The following PDE1A variants were observed in gnomAD, a reference collection of about 807,000 sequenced individuals.
PDE1A encodes the protein phosphodiesterase 1A.
PDE1A carries 35 observed loss-of-function variants against 61.7 expected under a neutral mutation model. That is an observed-to-expected ratio of 0.57 (90% CI 0.43 to 0.75). PDE1A has a LOEUF of 0.75. Among genes scored for constraint, PDE1A ranks in the 30% least tolerant of loss-of-function variants. The pLI is 0.00. For missense variants in PDE1A, 597 were observed against 630.6 expected, an observed-to-expected ratio of 0.95 and a Z score of 0.57; for synonymous variants, 232 against 213.2, an observed-to-expected ratio of 1.09 and a Z score of -0.77.
chr2:182,551,494 G>A, the PDE1A span, among the ~76,000 whole-genome samples: 1 of 151,998 alleles, frequency 6.6e-6, no homozygotes, highest in African/African-American at 2.4e-5. Flanking sequence ...TCTGAAAGCA[G>A]CAATGAGGAG....
chr2:182,381,034 A>G (rs1700703848), intron 1 of PDE1A, among the ~76,000 whole-genome samples: 2 of 152,236 alleles, frequency 1.3e-5, no homozygotes, highest in Non-Finnish European at 2.9e-5. Context: ...GAGCCAAAGC[A>G]GTGATGGACA....
At chr2:182,345,818 C>G (rs1218166197) in intron 1 of PDE1A, among the ~76,000 whole-genome samples, 1 of 152,184 alleles carries the variant, frequency 6.6e-6, no homozygotes, top group African/African-American at 2.4e-5. Flanking sequence ...TGCCAGCACT[C>G]TCATGTCCCC....
At chr2:182,563,926 T>G in the PDE1A span, among the ~76,000 whole-genome samples, 1 of 152,176 alleles carries the variant, frequency 6.6e-6, no homozygotes, top group East Asian at 1.9e-4. Flanking sequence ...CCTCCCTCCT[T>G]TTATTTTGAG....
intron 1 of PDE1A, among the ~76,000 whole-genome samples, chr2:182,334,991 CAGAG>C (rs1559348866): frequency 1.3e-5 from 2 of 152,128 alleles, no homozygotes; most frequent in African/African-American, 4.8e-5. Context: ...AATAGACAAA[CAGAG>C]AGCCAAATCA....
At chr2:182,629,472 A>C in the PDE1A span, among the ~76,000 whole-genome samples, 1 of 152,216 alleles carries the variant, frequency 6.6e-6, no homozygotes, top group Admixed American at 6.5e-5. Context: ...AAGTATTTAC[A>C]AAATACACAT....
intron 1 of PDE1A, among the ~76,000 whole-genome samples, chr2:182,413,448 G>T (rs775100506): frequency 6.6e-6 from 1 of 152,130 alleles, no homozygotes; most frequent in South Asian, 2.1e-4. Context: ...GGACATAAAT[G>T]AAAGGACTTG....
At chr2:182,499,355 T>A (rs1012602153) in intron 2 of PDE1A, among the ~76,000 whole-genome samples, 2 of 151,984 alleles carry the variant, frequency 1.3e-5, no homozygotes, top group African/African-American at 4.8e-5. Context: ...TTTTTGTATT[T>A]TCAGTAGAGA....
intron 2 of PDE1A, among the ~76,000 whole-genome samples, chr2:182,487,179 G>C (rs867369709): frequency 6.6e-6 from 1 of 152,080 alleles, no homozygotes; most frequent in Non-Finnish European, 1.5e-5. Context: ...CACCATCATC[G>C]GTCATTAGAG....
rs78002254 is a variant in PDE1A, at chr2:182,481,979, T to C, written c.101+40297A>G. Among the ~76,000 whole-genome samples, 1,511 of 152,008 alleles carry C rather than the reference T, an allele frequency of 9.9e-3. 19 individuals carry two copies. Among genetic ancestry groups the C allele is most frequent in the African/African-American group, 0.034 (1,402 of 41,514 alleles). On this transcript the variant is annotated intron_variant, in intron 2 of 14. Transcript: ENST00000410103. Reference sequence around the variant, plus strand: ...TATCTCAGCTACAGAACTGGAGATATACGATACCTTTACATTCTGAGATCC... The same window carrying C: ...TATCTCAGCTACAGAACTGGAGATACACGATACCTTTACATTCTGAGATCC...
the PDE1A span, among the ~76,000 whole-genome samples, chr2:182,651,992 TA>T: frequency 6.6e-6 from 1 of 152,252 alleles, no homozygotes; most frequent in African/African-American, 2.4e-5. Flanking sequence ...TAAAATGGGA[TA>T]ATATTGACAG....
rs1434170157 is a variant in PDE1A, at chr2:182,451,399, AT to A, written c.101+70876del. ...GTCTCAAAAAAAAAAAAAAAAAAAA[AT>A]ATTTTAACTATACAAATGCATAAAG... On this transcript the variant is annotated intron_variant, in intron 2 of 14. Transcript: ENST00000410103. Among the ~76,000 whole-genome samples the A allele has an allele frequency of 4.0e-5, 6 of 151,216 alleles. 2 individuals carry two copies. The highest frequency in any genetic ancestry group is 7.4e-5 in the Non-Finnish European group (5 of 67,854).
At chr2:182,669,346 T>C in the PDE1A span, among the ~76,000 whole-genome samples, 1 of 152,256 alleles carries the variant, frequency 6.6e-6, no homozygotes, top group Admixed American at 6.5e-5. Flanking sequence ...ATGGGAATTA[T>C]TGTTTTGACA....
intron 4 of PDE1A, among the ~76,000 whole-genome samples, chr2:182,233,805 ACACACAC>A (rs1689777849): frequency 6.6e-6 from 1 of 151,448 alleles, no homozygotes. Context: ...ACACACACAC[ACACACAC>A]ACAATGAGGC....
At chr2:182,603,582 T>C in the PDE1A span, among the ~76,000 whole-genome samples, 4 of 152,206 alleles carry the variant, frequency 2.6e-5, no homozygotes, top group Non-Finnish European at 5.9e-5. Context: ...ACTCCTGACC[T>C]CAGGTGATCC....
the PDE1A span, among the ~76,000 whole-genome samples, chr2:182,683,183 C>T: frequency 6.6e-6 from 1 of 151,486 alleles, no homozygotes; most frequent in African/African-American, 2.4e-5. Context: ...ACCTCCGCCC[C>T]CCAGGTTCAA....
intron 1 of PDE1A, among the ~76,000 whole-genome samples, chr2:182,360,589 G>A (rs937788850): frequency 1.3e-5 from 2 of 148,638 alleles, no homozygotes; most frequent in South Asian, 2.1e-4. Context: ...AGTGGGCATA[G>A]TGCCCAGGGC....
chr2:182,379,492 G>T (rs927719742), intron 1 of PDE1A, among the ~76,000 whole-genome samples: 11 of 152,108 alleles, frequency 7.2e-5, no homozygotes, highest in Admixed American at 7.2e-4. Context: ...CTGTTCAAAC[G>T]TCTGATAGAA....
At chr2:182,541,298 C>T in the PDE1A span, among the ~76,000 whole-genome samples, 2 of 152,318 alleles carry the variant, frequency 1.3e-5, no homozygotes, top group South Asian at 2.1e-4. Context: ...TGGCCCTACT[C>T]CTTGCTAATG....
the PDE1A span, among the ~76,000 whole-genome samples, chr2:182,635,670 ATCTATCTC>A: frequency 7.4e-5 from 11 of 148,798 alleles, no homozygotes; most frequent in South Asian, 6.3e-4. Context: ...TTTTAAGAGT[ATCTATCTC>A]TCTCTCTCTC....
Sources: gnomAD v4.1 joint callset for allele counts (sites outside exome capture counted in the v4.1 genomes callset) on GRCh38, gnomAD v4.1.1 for gene constraint, MANE v1.5 for transcripts, NCBI Gene and HGNC (gene_info 2026-07-23, HGNC 2026-07-21) for gene names.